The following CACNA1C variants were observed in gnomAD, a reference collection of about 807,000 sequenced individuals.
The protein encoded by CACNA1C is calcium voltage-gated channel subunit alpha1 C, also known as voltage-dependent L-type calcium channel subunit alpha-1C.
A neutral mutation model predicts 229.0 loss-of-function variants in CACNA1C; 30 were observed. The ratio of observed to expected loss-of-function variants is 0.13; its 90% CI spans 0.10 to 0.18. CACNA1C has a LOEUF of 0.18. CACNA1C is among the 10% of genes least tolerant of loss of function. CACNA1C has a pLI of 1.00. For synonymous variants in CACNA1C, 1,114 were observed against 1,132.5 expected, an observed-to-expected ratio of 0.98 and a Z score of 0.33; for missense variants, 1,658 against 2,845.0, an observed-to-expected ratio of 0.58 and a Z score of 9.49.
At chr12:2,645,147 AG>A (rs2094198458) in intron 30 of CACNA1C, among the ~76,000 whole-genome samples, 1 of 152,228 alleles carries the variant, frequency 6.6e-6, no homozygotes, top group Non-Finnish European at 1.5e-5. Flanking sequence ...GCCTACCATT[AG>A]TGGAGACAGT....
At chr12:2,428,923 G>A (rs1384536188) in intron 3 of CACNA1C, among the ~76,000 whole-genome samples, 1 of 152,186 alleles carries the variant, frequency 6.6e-6, no homozygotes, top group Non-Finnish European at 1.5e-5. Context: ...ACTTAAGGTT[G>A]CTGTCACAAA....
At chr12:2,245,296 A>T (rs2072618481) in intron 3 of CACNA1C, among the ~76,000 whole-genome samples, 1 of 152,182 alleles carries the variant, frequency 6.6e-6, no homozygotes, top group South Asian at 2.1e-4. Flanking sequence ...AGCCATTCTC[A>T]GCTCCATTCT....
rs991931618 is a variant in CACNA1C at position 2,649,974 on chromosome 12, A to T, written c.3945+1467A>T. 2.0e-5 allele frequency among the ~76,000 whole-genome samples: 3 copies of T among 151,608 alleles called. No homozygotes were observed. Among genetic ancestry groups the T allele is most frequent in the Non-Finnish European group, 4.4e-5 (3 of 68,040 alleles). On this transcript the variant is annotated intron_variant, in intron 31 of 46. Coordinates refer to ENST00000399655, the MANE Select transcript of CACNA1C (RefSeq NM_000719.7). This position sits in a 1 kb window ranked among gnomAD's most constrained non-coding sequence, Gnocchi z 4.4. ...AAGGTCATCAAAGGCTTCAGAACAC[A>T]CAGGCAGGGAAGAGCCCAGGGCAGG...
intron 9 of CACNA1C, among the ~76,000 whole-genome samples, chr12:2,547,803 C>T (rs548728086): frequency 6.6e-6 from 1 of 152,290 alleles, no homozygotes; most frequent in African/African-American, 2.4e-5. Flanking sequence ...CAGTGCTGGC[C>T]TAGAGTAAGC....
intron 3 of CACNA1C, among the ~76,000 whole-genome samples, chr12:2,339,965 G>A (rs914210534): frequency 1.3e-5 from 2 of 151,068 alleles, no homozygotes; most frequent in Non-Finnish European, 3.0e-5. Context: ...TTTTAAAAAA[G>A]AATCCTACTA....
intron 25 of CACNA1C, 139 bp downstream of exon 25, chr12:2,606,802 C>A: frequency 4.3e-6 from 4 of 939,864 alleles, no homozygotes; most frequent in African/African-American, 1.6e-5. Context: ...TCTGGCCTCA[C>A]GGACACAATG....
At chr12:2,361,199 T>G (rs1468025639) in intron 3 of CACNA1C, among the ~76,000 whole-genome samples, 1 of 152,096 alleles carries the variant, frequency 6.6e-6, no homozygotes, top group Non-Finnish European at 1.5e-5. Context: ...ATATCAATTT[T>G]AATTTTGCTT....
intron 1 of CACNA1C, among the ~76,000 whole-genome samples, chr12:2,030,576 T>C (rs967456187): frequency 1.3e-5 from 2 of 152,204 alleles, no homozygotes; most frequent in African/African-American, 2.4e-5. Flanking sequence ...AGATGTGCCC[T>C]TGGGGCTGCA....
At chr12:2,622,156 G>A (rs1034165000) in intron 29 of CACNA1C, among the ~76,000 whole-genome samples, 3 of 152,202 alleles carry the variant, frequency 2.0e-5, no homozygotes, top group African/African-American at 7.2e-5. Context: ...TAAGCCAGCT[G>A]CGGAGAAGAA....
chr12:2,026,384 A>G (rs184629751), intron 1 of CACNA1C, among the ~76,000 whole-genome samples: 82 of 152,256 alleles, frequency 5.4e-4, no homozygotes, highest in Middle Eastern at 3.4e-3. Context: ...ATGAGGTTGG[A>G]TTTGGAGGGA....
At chr12:2,006,433 T>C (rs1229730840) in intron 1 of CACNA1C, among the ~76,000 whole-genome samples, 5 of 152,140 alleles carry the variant, frequency 3.3e-5, no homozygotes, top group Admixed American at 6.5e-5. Flanking sequence ...AAAAAGTAAT[T>C]AAAAAAATAA....
At chr12:2,268,507 G>A (rs974128251) in intron 3 of CACNA1C, among the ~76,000 whole-genome samples, 1 of 152,212 alleles carries the variant, frequency 6.6e-6, no homozygotes, top group Non-Finnish European at 1.5e-5. Context: ...TCCTGGGCAG[G>A]CTGGGGGTGT....
chr12:2,337,992 G>C (rs1297428600), intron 3 of CACNA1C, among the ~76,000 whole-genome samples: 2 of 152,142 alleles, frequency 1.3e-5, no homozygotes, highest in East Asian at 3.9e-4. Context: ...TCAGCACCTG[G>C]AATGACTGTC....
At chr12:2,461,229 G>A (rs1219702328) in intron 5 of CACNA1C, among the ~76,000 whole-genome samples, 1 of 152,134 alleles carries the variant, frequency 6.6e-6, no homozygotes, top group Admixed American at 6.5e-5. Flanking sequence ...TGTCCTCCAG[G>A]GCCATGTTAC....
chr12:2,552,593 C>T (rs1439544466), intron 10 of CACNA1C, among the ~76,000 whole-genome samples: 1 of 152,134 alleles, frequency 6.6e-6, no homozygotes, highest in Non-Finnish European at 1.5e-5. Context: ...TGAAGGATCA[C>T]TGCGACGTCA....
rs2059717105 is a variant in CACNA1C at position 2,215,377 on chromosome 12, C to T, written c.477+94947C>T. Among the ~76,000 whole-genome samples, 1 of 152,066 alleles carries T rather than the reference C, an allele frequency of 6.6e-6. No homozygotes were observed. Among genetic ancestry groups the T allele is most frequent in the Non-Finnish European group, 1.5e-5 (1 of 68,006 alleles). ...AGGGCTCTGTTACCCTGATGGCTTG[C>T]CAGCTTGCAGGGCCCAGCATGCCTG... On this transcript the variant is annotated intron_variant, in intron 3 of 46. Transcript: ENST00000399655. The surrounding 1 kb of genome is among the most constrained non-coding windows in gnomAD (Gnocchi z 5.0).
chr12:2,624,303 T>G (rs1481097371), intron 29 of CACNA1C, among the ~76,000 whole-genome samples: 1 of 152,186 alleles, frequency 6.6e-6, no homozygotes, highest in Non-Finnish European at 1.5e-5. Flanking sequence ...CCACAACGTG[T>G]GAGAGGGTTC....
chr12:2,371,724 CTTTTT>C lies in CACNA1C; in HGVS notation c.478-77234_478-77230del, dbSNP rs61627008. Among the ~76,000 whole-genome samples, 662 of 128,994 alleles carry C rather than the reference CTTTTT, an allele frequency of 5.1e-3. 6 individuals carry two copies. The highest frequency in any genetic ancestry group is 0.018 in the African/African-American group (625 of 34,524). The allele number at this position is 128,994 out of a possible 152,430, so 84.6% of individuals were successfully genotyped here. ...CAAGCACATACTAAATGACATATGGCTTTTTTTTTTTTTTTTTTTTTTAATCTCGG... is the reference window on the plus strand; with the variant it reads ...CAAGCACATACTAAATGACATATGGCTTTTTTTTTTTTTTTTTAATCTCGG... On this transcript the variant is annotated intron_variant, in intron 3 of 46. Transcript: ENST00000399655.
intron 5 of CACNA1C, among the ~76,000 whole-genome samples, chr12:2,463,893 G>A (rs1357521108): frequency 6.6e-6 from 1 of 152,152 alleles, no homozygotes; most frequent in Non-Finnish European, 1.5e-5. Flanking sequence ...TGGAGCATGC[G>A]TATTACACCA....
Sources: gnomAD v4.1 joint callset for allele counts (sites outside exome capture counted in the v4.1 genomes callset) on GRCh38, gnomAD v4.1.1 for gene constraint, Gnocchi (gnomAD v3.1) non-coding constraint, MANE v1.5 for transcripts, NCBI Gene and HGNC (gene_info 2026-07-23, HGNC 2026-07-21) for gene names.